GNG7: variants seen among roughly 807,000 people sequenced by gnomAD.
The protein encoded by GNG7 is G protein subunit gamma 7, also known as guanine nucleotide-binding protein G(I)/G(S)/G(O) subunit gamma-7.
A neutral mutation model predicts 4.0 loss-of-function variants in GNG7; 1 was observed. The observed-to-expected ratio is 0.25, with a 90% CI of 0.09 to 1.18. The LOEUF is 1.18. Among genes scored for constraint, GNG7 ranks in the 50% most tolerant of loss-of-function variants. The pLI, the probability that GNG7 is intolerant of heterozygous loss-of-function variation, is 0.50. For missense variants in GNG7, 86 were observed against 91.9 expected, an observed-to-expected ratio of 0.94 and a Z score of 0.26; for synonymous variants, 34 against 36.9, an observed-to-expected ratio of 0.92 and a Z score of 0.29.
At chr19:2,567,020 G>C (rs553232948) in intron 2 of GNG7, among the ~76,000 whole-genome samples, 1 of 151,640 alleles carries the variant, frequency 6.6e-6, no homozygotes, top group Non-Finnish European at 1.5e-5. Flanking sequence ...CAGGAGAATC[G>C]CTTGAATCCG....
chr19:2,661,856 C>T (rs1318922926), intron 1 of GNG7, among the ~76,000 whole-genome samples: 1 of 152,106 alleles, frequency 6.6e-6, no homozygotes, highest in Non-Finnish European at 1.5e-5. Context: ...GATGATACAG[C>T]CCCAGCACAT....
intron 1 of GNG7, among the ~76,000 whole-genome samples, chr19:2,666,672 T>C (rs180672146): frequency 6.6e-6 from 1 of 152,330 alleles, no homozygotes; most frequent in Admixed American, 6.5e-5. Context: ...TAGGGCAGGA[T>C]GTAAAAATTT....
At chr19:2,673,303 C>T (rs1310425055) in intron 1 of GNG7, among the ~76,000 whole-genome samples, 3 of 149,678 alleles carry the variant, frequency 2.0e-5, no homozygotes, top group Admixed American at 6.7e-5. Flanking sequence ...AAAAACCCAG[C>T]AGGTCATCAA....
intron 2 of GNG7, among the ~76,000 whole-genome samples, chr19:2,559,492 C>T (rs1402433806): frequency 1.3e-5 from 2 of 151,764 alleles, no homozygotes; most frequent in African/African-American, 2.4e-5. Context: ...GCTGGGATTA[C>T]AGGCACCCAC....
At chr19:2,587,054 C>T (rs912807181) in intron 2 of GNG7, among the ~76,000 whole-genome samples, 5 of 151,552 alleles carry the variant, frequency 3.3e-5, no homozygotes, top group Admixed American at 6.6e-5. Context: ...ATCCTGGCAT[C>T]CACTACCACG....
intron 2 of GNG7, among the ~76,000 whole-genome samples, chr19:2,636,377 C>T (rs1230999454): frequency 6.6e-6 from 1 of 152,132 alleles, no homozygotes; most frequent in Non-Finnish European, 1.5e-5. Context: ...GGTCCACAGC[C>T]AGTTCTCACC....
chr19:2,660,770 A>G (rs1983123255), intron 1 of GNG7, among the ~76,000 whole-genome samples: 2 of 152,160 alleles, frequency 1.3e-5, no homozygotes. Context: ...CAGCCTGGGC[A>G]ATGGAGGAAG....
chr19:2,552,757 A>G (rs1420501467), intron 3 of GNG7, among the ~76,000 whole-genome samples: 1 of 151,304 alleles, frequency 6.6e-6, no homozygotes, highest in East Asian at 1.9e-4. Flanking sequence ...TTGTGGAATT[A>G]TTTTATTATA....
chr19:2,631,986 A>G, intron 2 of GNG7: 1 of 152,280 alleles, frequency 6.6e-6, no homozygotes, highest in Middle Eastern at 3.2e-3. Flanking sequence ...CGTCTCCCCA[A>G]GATCTCCAAT....
chr19:2,574,098 G>A (rs1334281027), intron 2 of GNG7, among the ~76,000 whole-genome samples: 1 of 152,150 alleles, frequency 6.6e-6, no homozygotes, highest in African/African-American at 2.4e-5. Context: ...TCACACCTGG[G>A]CTGGTGCAGT....
intron 2 of GNG7, among the ~76,000 whole-genome samples, chr19:2,584,395 G>C (rs1255296874): frequency 6.6e-6 from 1 of 151,640 alleles, no homozygotes; most frequent in African/African-American, 2.4e-5. Context: ...AGTGAGCTGT[G>C]ATTGCATCAC....
At chr19:2,549,999 G>A (rs927399698) in intron 3 of GNG7, among the ~76,000 whole-genome samples, 6 of 152,158 alleles carry the variant, frequency 3.9e-5, no homozygotes, top group East Asian at 1.9e-4. Flanking sequence ...GCAGAAACAC[G>A]GCCAAATCCT....
intron 2 of GNG7, among the ~76,000 whole-genome samples, chr19:2,573,876 A>T (rs1275752284): frequency 6.6e-6 from 1 of 152,114 alleles, no homozygotes; most frequent in Non-Finnish European, 1.5e-5. Flanking sequence ...TGGGATTGGC[A>T]TTTCCCTCCC....
At chr19:2,559,091 C>T (rs919215440) in intron 2 of GNG7, among the ~76,000 whole-genome samples, 4 of 151,914 alleles carry the variant, frequency 2.6e-5, no homozygotes, top group South Asian at 2.1e-4. Context: ...TGAGCCATCG[C>T]GCCCAGCCAG....
chr19:2,513,426 C>T lies in GNG7; in HGVS notation c.*1596G>A, dbSNP rs1017150304. ...GCGTGGGGTCCATCTCAGGTGTGGC[C>T]GCAGGTGATGCCGGCAGGCCCTGGA... On this transcript the variant is annotated 3_prime_UTR_variant, in exon 5 of 5. Transcript: ENST00000382159. 1.4e-5 allele frequency: 12 copies of T among 856,566 alleles called. No homozygotes were observed. The Admixed American group carries it at 5.6e-4, about 40-fold the overall frequency. 53.1% of individuals were successfully genotyped at this position (856,566 alleles called of 1,614,324 possible).
intron 3 of GNG7, among the ~76,000 whole-genome samples, chr19:2,521,872 T>G (rs917645512): frequency 6.6e-6 from 1 of 152,034 alleles, no homozygotes; most frequent in East Asian, 1.9e-4. Context: ...CCTCGGCCTC[T>G]CAAAGTGCTG....
At chr19:2,584,497 TGAGGAGG>T (rs1980587351) in intron 2 of GNG7, among the ~76,000 whole-genome samples, 1 of 150,374 alleles carries the variant, frequency 6.7e-6, no homozygotes. Context: ...CTTGGGAGGC[TGAGGAGG>T]GAGGATCACT....
At chr19:2,593,646 A>T (rs1384130965) in intron 2 of GNG7, among the ~76,000 whole-genome samples, 1 of 151,944 alleles carries the variant, frequency 6.6e-6, no homozygotes, top group Non-Finnish European at 1.5e-5. Context: ...AGGGGTGCTG[A>T]GGCAGGAGAA....
At chr19:2,637,095 C>T (rs750849912) in intron 2 of GNG7, among the ~76,000 whole-genome samples, 2 of 152,058 alleles carry the variant, frequency 1.3e-5, no homozygotes, top group African/African-American at 4.8e-5. Flanking sequence ...TCTCCAGCCC[C>T]CTGCCGGCTC....
Sources: allele counts gnomAD v4.1 joint callset (sites outside exome capture counted in the v4.1 genomes callset), GRCh38; gene constraint gnomAD v4.1.1; transcripts MANE v1.5; gene names NCBI Gene and HGNC (gene_info 2026-07-23, HGNC 2026-07-21).